Variants in NIPAL2 observed in about 807,000 individuals in gnomAD.
NIPAL2 encodes the protein NIPA-like protein 2.
Under a neutral mutation model 48.9 loss-of-function variants are expected in NIPAL2, and 43 were observed. The ratio of observed to expected loss-of-function variants is 0.88; its 90% CI spans 0.69 to 1.13. The LOEUF is 1.13. Ranked by LOEUF, NIPAL2 falls within the 50% of genes most tolerant of loss-of-function variation. The pLI, the probability that NIPAL2 is intolerant of heterozygous loss-of-function variation, is 0.00. For missense variants in NIPAL2, 446 were observed against 461.4 expected (o/e 0.97, Z 0.31); for synonymous variants, 167 against 174.6 (o/e 0.96, Z 0.34).
chr8:98,278,224 TTTTGTTTGTTTG>T (rs142485145), intron 1 of NIPAL2, among the ~76,000 whole-genome samples: 1 of 152,112 alleles, frequency 6.6e-6, no homozygotes. Context: ...TATCATGGTT[TTTTGTTTGTTTG>T]TTTGTTTGTT....
chr8:98,285,221 G>T (rs939969011), intron 1 of NIPAL2, among the ~76,000 whole-genome samples: 4 of 152,138 alleles, frequency 2.6e-5, no homozygotes, highest in South Asian at 2.1e-4. Context: ...TAGCCCAAGG[G>T]TGTCCCATGA....
At chr8:98,279,276 C>A (rs1815658097) in intron 1 of NIPAL2, among the ~76,000 whole-genome samples, 1 of 152,148 alleles carries the variant, frequency 6.6e-6, no homozygotes, top group Non-Finnish European at 1.5e-5. Context: ...GTAACCATTA[C>A]TAAATACTGC....
intron 8 of NIPAL2, among the ~76,000 whole-genome samples, chr8:98,200,360 G>A (rs907893414): frequency 6.6e-6 from 1 of 151,996 alleles, no homozygotes; most frequent in South Asian, 2.1e-4. Flanking sequence ...TCTAGATATC[G>A]CATATAAGTG....
chr8:98,233,420 C>A (rs918148508), intron 4 of NIPAL2, among the ~76,000 whole-genome samples: 11 of 151,888 alleles, frequency 7.2e-5, no homozygotes, highest in African/African-American at 2.7e-4. Context: ...AATCTCTCAG[C>A]AATGAAGGTG....
intron 1 of NIPAL2, among the ~76,000 whole-genome samples, chr8:98,263,926 T>G: frequency 1.5e-5 from 2 of 132,300 alleles, no homozygotes; most frequent in Admixed American, 7.8e-5. Context: ...AAAAAGCTTA[T>G]CCACCATGAT....
At chr8:98,211,195 T>TA (rs1811294980) in intron 6 of NIPAL2, among the ~76,000 whole-genome samples, 1 of 152,244 alleles carries the variant, frequency 6.6e-6, no homozygotes, top group Admixed American at 6.5e-5. Flanking sequence ...TTCTTTTTTT[T>TA]ACTAGGTAAA....
chr8:98,276,470 A>C (rs1815472446), intron 1 of NIPAL2, among the ~76,000 whole-genome samples: 1 of 152,214 alleles, frequency 6.6e-6, no homozygotes, highest in South Asian at 2.1e-4. Context: ...CAGCTACTGA[A>C]GGACACCTTG....
Position 98,252,563 on chromosome 8 carries a change from AC to A in NIPAL2, c.275del (p.Gly92ValfsTer5), listed in dbSNP as rs777322356. ...RPYFKSVLWW[G>X]GVLLMAVGET... ...CTCCCACGGCCATCAGCAGGACACC[AC>A]CCCACCACAGCACACTCTTGAAGTA... On this transcript the variant is annotated frameshift_variant, in exon 3 of 11. Transcript: ENST00000430223. LOFTEE classifies it high-confidence loss of function. 2.5e-5 allele frequency: 40 copies of A among 1,613,672 alleles called. No individual in the cohort carries two copies. In the South Asian group the frequency reaches 3.8e-4, roughly 16 times the overall value.
chr8:98,200,714 T>C (rs757744028), intron 8 of NIPAL2, among the ~76,000 whole-genome samples: 7 of 152,250 alleles, frequency 4.6e-5, no homozygotes, highest in Non-Finnish European at 1.0e-4. Flanking sequence ...TTTTCCATAA[T>C]GGCTGCACCA....
rs568464494 is a variant in NIPAL2, at chr8:98,242,488, A to ATTTTTTTTTTTTT, written c.377-6287_377-6275dup. 2.9e-3 allele frequency among the ~76,000 whole-genome samples: 340 copies of ATTTTTTTTTTTTT among 117,728 alleles called. 20 individuals carry two copies. The highest frequency in any genetic ancestry group is 8.0e-3 in the African/African-American group (243 of 30,308). The allele number at this position is 117,728 out of a possible 152,430, so 77.2% of individuals were successfully genotyped here. A position where few individuals can be genotyped will look rare whatever the true frequency, so the allele number is the denominator to read the frequency against. ...AGGCAAAAGCCACTGCACCTGACAG[A>ATTTTTTTTTTTTT]TTTTTTTTTTTTTTTTTTTAACTGA... On this transcript the variant is annotated intron_variant, in intron 3 of 10. Transcript: ENST00000430223.
In NIPAL2 at chr8:98,277,906, G is replaced by A. The variant is rs866264775; in HGVS notation, c.135+16097C>T. ...GATATTTGGGTTGTTTTCATGTTTT[G>A]GATATTATGTTCTTGCATCTTATTT... On this transcript the variant is annotated intron_variant, in intron 1 of 10. Coordinates refer to ENST00000430223, the MANE Select transcript of NIPAL2 (RefSeq NM_001321635.2). Among the ~76,000 whole-genome samples, 21 of 152,168 alleles carry A rather than the reference G, an allele frequency of 1.4e-4. 1 individual carries two copies. In the South Asian group the frequency reaches 2.7e-3, roughly 20 times the overall value.
At chr8:98,209,663 T>G (rs1441994675) in intron 6 of NIPAL2, among the ~76,000 whole-genome samples, 1 of 151,854 alleles carries the variant, frequency 6.6e-6, no homozygotes, top group Non-Finnish European at 1.5e-5. Flanking sequence ...ATTTGCTCTG[T>G]TTTATTTGCT....
chr8:98,250,226 G>A (rs1035356991), intron 3 of NIPAL2, among the ~76,000 whole-genome samples: 1 of 152,058 alleles, frequency 6.6e-6, no homozygotes. Context: ...AAAATTCAAC[G>A]GGAGATTTGA....
At chr8:98,223,812 A>G (rs1812019937) in intron 4 of NIPAL2, among the ~76,000 whole-genome samples, 1 of 152,248 alleles carries the variant, frequency 6.6e-6, no homozygotes, top group Non-Finnish European at 1.5e-5. Flanking sequence ...AGCTATTTCT[A>G]ATAAGAACTT....
chr8:98,237,630 G>A lies in NIPAL2; in HGVS notation c.377-1416C>T, dbSNP rs114865423. Among the ~76,000 whole-genome samples the A allele has an allele frequency of 6.4e-3, 982 of 152,264 alleles. 14 individuals carry two copies. The highest frequency in any genetic ancestry group is 0.022 in the African/African-American group (899 of 41,554). The stretch of plus-strand genomic sequence containing the variant: ...AAAGAGCTATGATTTTGCTTCTGAT[G>A]CTTTGGTCACCACATTTGTCTTTAT... On this transcript the variant is annotated intron_variant, in intron 3 of 10. Coordinates refer to ENST00000430223, the MANE Select transcript of NIPAL2 (RefSeq NM_001321635.2).
chr8:98,210,726 T>C (rs1811269332), intron 6 of NIPAL2, among the ~76,000 whole-genome samples: 1 of 152,208 alleles, frequency 6.6e-6, no homozygotes, highest in Non-Finnish European at 1.5e-5. Flanking sequence ...GTTTTGCATT[T>C]TCTGCAGATT....
rs762496314 is a variant in NIPAL2 at position 98,222,547 on chromosome 8, T to C, written c.490A>G (p.Ile164Val). Residue 164 changes from isoleucine (I) to valine (V), a missense_variant, in exon 5 of 11, where the codon ATA (isoleucine) becomes GTA (valine). Coordinates refer to ENST00000430223, the MANE Select transcript of NIPAL2 (RefSeq NM_001321635.2). ...TYLLVNFAPN[I>V]TQAISARTVQ... ...GTTCTTGCTGAGATTGCCTGAGTTATATTTGGAGCAAAGTTCACCAGTAAA... is the reference window on the plus strand; with the variant it reads ...GTTCTTGCTGAGATTGCCTGAGTTACATTTGGAGCAAAGTTCACCAGTAAA... The C allele has an allele frequency of 4.3e-6, 7 of 1,613,958 alleles. No homozygotes were observed. The African/African-American group carries it at 9.3e-5, about 22-fold the overall frequency.
chr8:98,264,484 C>G (rs1441987645), intron 1 of NIPAL2, among the ~76,000 whole-genome samples: 1 of 150,320 alleles, frequency 6.7e-6, no homozygotes. Context: ...TATACACCAG[C>G]AATAGACAAA....
chr8:98,260,288 A>G (rs934584928), intron 1 of NIPAL2, among the ~76,000 whole-genome samples: 3 of 152,356 alleles, frequency 2.0e-5, no homozygotes, highest in Non-Finnish European at 4.4e-5. Context: ...AAGATGGCCG[A>G]ATAGGAACAG....
Sources: allele counts gnomAD v4.1 joint callset (sites outside exome capture counted in the v4.1 genomes callset), GRCh38; gene constraint gnomAD v4.1.1; transcripts MANE v1.5; gene names NCBI Gene and HGNC (gene_info 2026-07-23, HGNC 2026-07-21).